ERBIN: variants seen among roughly 807,000 people sequenced by gnomAD.
ERBIN encodes the protein densin-180-like protein.
ERBIN carries 60 observed loss-of-function variants against 158.4 expected under a neutral mutation model. The observed-to-expected ratio is 0.38, with a 90% confidence interval of 0.31 to 0.47. The LOEUF (loss-of-function observed/expected upper bound fraction) is 0.47, where lower values mean the gene tolerates loss of function less well. ERBIN is among the 20% of genes least tolerant of loss of function. The pLI, the probability that ERBIN is intolerant of heterozygous loss-of-function variation, is 0.99. For synonymous variants in ERBIN, 594 were observed against 557.2 expected (o/e 1.07, Z -0.93); for missense variants, 1,610 against 1,648.0 (o/e 0.98, Z 0.40).
intron 22 of ERBIN, among the ~76,000 whole-genome samples, chr5:66,072,911 T>C (rs1314352084): frequency 6.6e-6 from 1 of 152,206 alleles, no homozygotes; most frequent in Non-Finnish European, 1.5e-5. Flanking sequence ...ATAAAACTTC[T>C]ATGTTGCTCT....
At chr5:65,990,525 C>A (rs1751754247) in intron 2 of ERBIN, among the ~76,000 whole-genome samples, 1 of 149,910 alleles carries the variant, frequency 6.7e-6, no homozygotes, top group African/African-American at 2.5e-5. Context: ...AAAAAATTAG[C>A]TGGGCATGGT....
chr5:65,977,440 C>T (rs1182943787), intron 1 of ERBIN, among the ~76,000 whole-genome samples: 179 of 144,384 alleles, frequency 1.2e-3, no homozygotes, highest in African/African-American at 3.7e-3. Context: ...ACTTCTCGGA[C>T]GGGGTGGTTG....
intron 7 of ERBIN, among the ~76,000 whole-genome samples, chr5:66,019,991 C>T (rs1454777916): frequency 2.0e-5 from 3 of 152,016 alleles, no homozygotes; most frequent in Admixed American, 2.0e-4. Flanking sequence ...TGATTTTATA[C>T]ATCTGGAGAA....
At chr5:66,043,479 GTACCC>G (rs1179980778) in intron 16 of ERBIN, among the ~76,000 whole-genome samples, 1 of 152,110 alleles carries the variant, frequency 6.6e-6, no homozygotes, top group Admixed American at 6.5e-5. Context: ...TTTCAAATTA[GTACCC>G]TTTATGTTTA....
intron 25 of ERBIN, among the ~76,000 whole-genome samples, chr5:66,077,525 G>A (rs1201560378): frequency 8.6e-5 from 13 of 151,594 alleles, no homozygotes; most frequent in African/African-American, 3.1e-4. Flanking sequence ...ATAGCTGAAA[G>A]TACAGATTCT....
chr5:65,932,707 CACTT>C (rs1483385845), intron 1 of ERBIN, among the ~76,000 whole-genome samples: 1 of 152,168 alleles, frequency 6.6e-6, no homozygotes, highest in Non-Finnish European at 1.5e-5. Flanking sequence ...TCTTTAAGCC[CACTT>C]ACTTGATTTT....
chr5:66,029,444 A>C (rs912467531), intron 14 of ERBIN, among the ~76,000 whole-genome samples: 2 of 152,082 alleles, frequency 1.3e-5, no homozygotes, highest in African/African-American at 4.8e-5. Flanking sequence ...TTTTCTTGGG[A>C]AACTATATTA....
intron 1 of ERBIN, among the ~76,000 whole-genome samples, chr5:65,934,522 CATGATTAGATCTTTGATTAGATTTTT>C (rs1310182386): frequency 5.9e-5 from 9 of 151,918 alleles, no homozygotes; most frequent in Non-Finnish European, 2.9e-5. Flanking sequence ...TGATATTTTT[CATGATTAGATCTTTGATTAGATTTTT>C]ATGATTAGAT....
chr5:65,970,749 T>C (rs1341980026), intron 1 of ERBIN, among the ~76,000 whole-genome samples: 2 of 152,142 alleles, frequency 1.3e-5, no homozygotes, highest in Admixed American at 6.6e-5. Flanking sequence ...CCAGCATGCC[T>C]GGCTAATTTT....
At chr5:65,927,816 T>C (rs1297948753) in intron 1 of ERBIN, among the ~76,000 whole-genome samples, 2 of 152,240 alleles carry the variant, frequency 1.3e-5, no homozygotes, top group African/African-American at 4.8e-5. Flanking sequence ...GTCAGAGCTA[T>C]GAACACTTCT....
chr5:65,959,033 G>A (rs1747622072), intron 1 of ERBIN, among the ~76,000 whole-genome samples: 1 of 152,116 alleles, frequency 6.6e-6, no homozygotes, highest in Non-Finnish European at 1.5e-5. Flanking sequence ...TTTTCTAAGG[G>A]TAAATTTTTA....
At chr5:65,954,352 T>A (rs1392303552) in intron 1 of ERBIN, among the ~76,000 whole-genome samples, 1 of 152,180 alleles carries the variant, frequency 6.6e-6, no homozygotes, top group African/African-American at 2.4e-5. Context: ...CTTTTTAGTC[T>A]ATGCATTGAC....
intron 4 of ERBIN, among the ~76,000 whole-genome samples, chr5:66,008,949 A>G (rs1753903494): frequency 6.6e-6 from 1 of 152,236 alleles, no homozygotes; most frequent in Admixed American, 6.5e-5. Context: ...CAGCAATTCC[A>G]GTCTTAGGTA....
In ERBIN at chr5:66,026,421, C is replaced by T. The variant is rs776011484; in HGVS notation, c.1136+4C>T. On this transcript the variant is annotated splice_donor_region_variant and intron_variant, in intron 13 of 25. Transcript: ENST00000284037. The stretch of plus-strand genomic sequence containing the variant: ...TCATTAATTTAAGTGATAATAGGTT[C>T]GTAATACTATATTCATCAGTTGGTT... The T allele has an allele frequency of 1.0e-5, 15 of 1,477,166 alleles. No individual in the cohort carries two copies. Among genetic ancestry groups the T allele is most frequent in the East Asian group, 4.7e-5 (2 of 42,718 alleles). 91.5% of individuals were successfully genotyped at this position (1,477,166 alleles called of 1,614,324 possible).
chr5:65,949,456 GGTGAA>G (rs1311173517), intron 1 of ERBIN, among the ~76,000 whole-genome samples: 6 of 152,216 alleles, frequency 3.9e-5, no homozygotes, highest in Non-Finnish European at 8.8e-5. Context: ...AATTGAAGGA[GGTGAA>G]GTGAAGTGTT....
chr5:66,028,298 T>C lies in ERBIN; in HGVS notation c.1161T>C (p.Phe387=), dbSNP rs749773007. 1 of 1,612,238 alleles carries C rather than the reference T, an allele frequency of 6.2e-7. No homozygotes were observed. The highest frequency in any genetic ancestry group is 1.1e-5 in the South Asian group (1 of 90,802). Residue 387 remains phenylalanine (F), a synonymous_variant, in exon 14 of 26, where the codon TTT becomes TTC. Transcript: ENST00000284037. ...GATTAAAGAATTTACCCTTTAGCTT[T>C]ACAAAGCTACAGCAATTGACAGCTA... ...DNRLKNLPFS[F]TKLQQLTAMW... is the part of the protein sequence containing the mutation.
At chr5:66,034,398 T>C (rs1174405450) in intron 14 of ERBIN, among the ~76,000 whole-genome samples, 1 of 152,012 alleles carries the variant, frequency 6.6e-6, no homozygotes, top group Non-Finnish European at 1.5e-5. Context: ...CAGGCAATTT[T>C]CCTGCCTCAG....
rs564671004 is a variant in ERBIN, at chr5:66,056,906, C to T, written c.3633+1955C>T. On this transcript the variant is annotated intron_variant, in intron 21 of 25. Transcript: ENST00000284037. Reference sequence around the variant, plus strand: ...GCAAATACCAAAGTATATATCCTGCCGTTACCATAACTCTACTGCATTCCT... The same window carrying T: ...GCAAATACCAAAGTATATATCCTGCTGTTACCATAACTCTACTGCATTCCT... 2.6e-4 allele frequency among the ~76,000 whole-genome samples: 40 copies of T among 152,220 alleles called. No individual in the cohort carries two copies. In the South Asian group the frequency reaches 5.0e-3, roughly 19 times the overall value.
chr5:66,060,804 T>C (rs1297121609), intron 21 of ERBIN, among the ~76,000 whole-genome samples: 2 of 152,200 alleles, frequency 1.3e-5, no homozygotes, highest in African/African-American at 4.8e-5. Context: ...AGGTACCCAG[T>C]AGTCATTCAG....
Sources: gnomAD v4.1 joint callset for allele counts (sites outside exome capture counted in the v4.1 genomes callset) on GRCh38, gnomAD v4.1.1 for gene constraint, MANE v1.5 for transcripts, NCBI Gene and HGNC (gene_info 2026-07-23, HGNC 2026-07-21) for gene names.